The following ATG101 variants were observed in gnomAD, a reference collection of about 807,000 sequenced individuals.
ATG101 encodes the protein autophagy related 101, also known as autophagy-related protein 101.
ATG101 carries 6 observed loss-of-function variants against 16.7 expected under a neutral mutation model. That is an observed-to-expected ratio of 0.36 (90% confidence interval 0.20 to 0.71). The LOEUF (loss-of-function observed/expected upper bound fraction) is 0.71, where lower values mean the gene tolerates loss of function less well. Ranked by LOEUF, ATG101 falls within the 30% of genes least tolerant of loss-of-function variation. The pLI, the probability that ATG101 is intolerant of heterozygous loss-of-function variation, is 0.57. For missense variants in ATG101, 200 were observed against 292.5 expected (o/e 0.68, Z 2.31); for synonymous variants, 108 against 118.1 (o/e 0.91, Z 0.56).
chr12:52,068,699 C>T (rs981511227), upstream of ATG101, among the ~76,000 whole-genome samples: 2 of 151,986 alleles, frequency 1.3e-5, no homozygotes, highest in African/African-American at 4.8e-5. Flanking sequence ...CTTAAGAATG[C>T]CTCCTGGCCG....
chr12:52,070,980 TG>T (rs1436842402), intron 2 of ATG101: 14 of 152,200 alleles, frequency 9.2e-5, no homozygotes, highest in African/African-American at 2.9e-4. Flanking sequence ...CTGGAATTCC[TG>T]GGTTGGGCTC....
chr12:52,066,834 C>T (rs184724976), upstream of ATG101, among the ~76,000 whole-genome samples: 182 of 152,266 alleles, frequency 1.2e-3, no homozygotes, highest in Non-Finnish European at 6.6e-4. Flanking sequence ...TCAGTCACTT[C>T]CCTTACTCAC....
At chr12:52,076,422 C>T (rs984222817) in intron 3 of ATG101, among the ~76,000 whole-genome samples, 20 of 152,298 alleles carry the variant, frequency 1.3e-4, no homozygotes, top group African/African-American at 4.6e-4. Flanking sequence ...TAAGCCTCAT[C>T]GTGCCTTGGT....
Position 52,077,357 on chromosome 12 carries a change from C to A in ATG101, c.*167C>A. On this transcript the variant is annotated 3_prime_UTR_variant, in exon 4 of 4. Transcript: ENST00000336854. The stretch of plus-strand genomic sequence containing the variant: ...TTTGTGGTTGCCAGCCTCAGGTCAT[C>A]CTTTTAATCTTTGCTGACGGTTCAG... 1.3e-6 allele frequency: 1 copy of A among 752,654 alleles called. No individual in the cohort carries two copies. The highest frequency in any genetic ancestry group is 2.1e-6 in the Non-Finnish European group (1 of 476,778). The allele number at this position is 752,654 out of a possible 1,614,324, so 46.6% of individuals were successfully genotyped here.
chr12:52,070,077 A>T lies in ATG101; in HGVS notation c.-372A>T, dbSNP rs1939617036. The T allele has an allele frequency of 6.6e-6, 1 of 150,996 alleles. No individual in the cohort carries two copies. The highest frequency in any genetic ancestry group is 1.5e-5 in the Non-Finnish European group (1 of 67,842). 9.4% of individuals were successfully genotyped at this position (150,996 alleles called of 1,614,324 possible). On this transcript the variant is annotated 5_prime_UTR_variant, in exon 1 of 4. Transcript: ENST00000336854. ...GTGGACTGTGGTTGGGGGAGGTGGG[A>T]GCTGTTTTAACCGTGTGCCCCCTCT...
upstream of ATG101, among the ~76,000 whole-genome samples, chr12:52,065,845 C>G (rs968253970): frequency 6.6e-6 from 1 of 152,154 alleles, no homozygotes; most frequent in Admixed American, 6.5e-5. Flanking sequence ...GAGTTTCTCC[C>G]CCATACATAT....
At chr12:52,074,385 G>A (rs1939701086) in intron 3 of ATG101, among the ~76,000 whole-genome samples, 1 of 152,192 alleles carries the variant, frequency 6.6e-6, no homozygotes, top group African/African-American at 2.4e-5. Context: ...GACACGGCCG[G>A]CTGCTGCTGT....
chr12:52,065,486 C>T (rs1253929889), upstream of ATG101, among the ~76,000 whole-genome samples: 1 of 151,988 alleles, frequency 6.6e-6, no homozygotes, highest in African/African-American at 2.4e-5. Context: ...TAATTCATCC[C>T]ACACAATCCC....
chr12:52,065,362 C>G (rs1939538727), upstream of ATG101, among the ~76,000 whole-genome samples: 1 of 152,196 alleles, frequency 6.6e-6, no homozygotes, highest in South Asian at 2.1e-4. Flanking sequence ...ACTTGTCCCC[C>G]TTGGCATCAC....
chr12:52,065,473 A>T (rs1195487998), upstream of ATG101, among the ~76,000 whole-genome samples: 1 of 152,240 alleles, frequency 6.6e-6, no homozygotes, highest in African/African-American at 2.4e-5. Flanking sequence ...GCATAGAATG[A>T]GATAATTCAT....
upstream of ATG101, among the ~76,000 whole-genome samples, chr12:52,068,546 G>A (rs7976698): frequency 0.031 from 4,675 of 151,934 alleles, 154 homozygotes; most frequent in African/African-American, 0.083. Flanking sequence ...TTTAAAGATG[G>A]GAGTCTCACT....
chr12:52,065,889 T>C (rs1428793871), upstream of ATG101, among the ~76,000 whole-genome samples: 1 of 152,138 alleles, frequency 6.6e-6, no homozygotes, highest in East Asian at 1.9e-4. Flanking sequence ...GATTGATTGA[T>C]TGATTGAGAT....
chr12:52,077,123 C>T lies in ATG101; in HGVS notation c.590C>T (p.Thr197Ile). 1.2e-6 allele frequency: 2 copies of T among 1,614,242 alleles called. No homozygotes were observed. The highest frequency in any genetic ancestry group is 1.7e-6 in the Non-Finnish European group (2 of 1,180,044). The change falls in exon 4 of 4, where the codon ACT becomes ATT. Residue 197 changes from threonine to isoleucine, a missense_variant. Physicochemically the swap from Thr to Ile is moderately conservative, Grantham distance 89. Coordinates refer to ENST00000336854, the MANE Select transcript of ATG101 (RefSeq NM_021934.5). ...PYLYKISFQITDALGTSVTTT... is the reference protein window; with the variant it reads ...PYLYKISFQIIDALGTSVTTT... ...CTGTACAAGATCTCCTTCCAGATCA[C>T]TGATGCCCTGGGCACCTCAGTCACC... is the stretch of plus-strand genomic sequence containing the variant.
Position 52,073,627 on chromosome 12 carries a change from T to C in ATG101, c.-24T>C, listed in dbSNP as rs201879001. On this transcript the variant is annotated 5_prime_UTR_variant, in exon 3 of 4. Transcript: ENST00000336854. ...CCTGTCTTTATCCTAGTTCCACACC[T>C]TGGTGTGGGTTACTGGGTGCAGGAT... 1.2e-4 allele frequency: 190 copies of C among 1,604,362 alleles called. No homozygotes were observed. Among genetic ancestry groups the C allele is most frequent in the Non-Finnish European group, 1.4e-4 (167 of 1,172,654 alleles).
intron 3 of ATG101, among the ~76,000 whole-genome samples, chr12:52,074,848 G>A (rs1344698736): frequency 6.6e-6 from 1 of 152,140 alleles, no homozygotes; most frequent in Non-Finnish European, 1.5e-5. Context: ...AGTTCCAGAC[G>A]CTTGAGCAGC....
In ATG101 at chr12:52,077,153, C is replaced by T; in HGVS notation, c.620C>T (p.Thr207Ile). Reference sequence around the variant, plus strand: ...GCCCTGGGCACCTCAGTCACCACCACCATGCGCAGGCTCATCAAAGACACC... The same window carrying T: ...GCCCTGGGCACCTCAGTCACCACCATCATGCGCAGGCTCATCAAAGACACC... Reference protein sequence around the residue: ...TDALGTSVTTTMRRLIKDTLA... With the variant: ...TDALGTSVTTIMRRLIKDTLA... The change falls in exon 4 of 4, where the codon ACC becomes ATC. Residue 207 changes from threonine (T) to isoleucine (I), a missense_variant. By Grantham distance (89) the Thr-to-Ile change is moderately conservative (BLOSUM62 -1). Transcript: ENST00000336854. 6.2e-7 allele frequency: 1 copy of T among 1,614,176 alleles called. No individual in the cohort carries two copies. Among genetic ancestry groups the T allele is most frequent in the Non-Finnish European group, 8.5e-7 (1 of 1,180,014 alleles).
At chr12:52,075,287 C>T (rs1226422214) in intron 3 of ATG101, among the ~76,000 whole-genome samples, 1 of 152,200 alleles carries the variant, frequency 6.6e-6, no homozygotes, top group African/African-American at 2.4e-5. Context: ...CCTGTGTCCT[C>T]CAGGTGTCCA....
At chr12:52,066,798 T>C (rs1030589705), upstream of ATG101, among the ~76,000 whole-genome samples, 88 of 152,002 alleles carry the variant, frequency 5.8e-4, 2 homozygotes, top group African/African-American at 2.0e-3. Flanking sequence ...AAGGGCTGAG[T>C]TGGAGTGTGT....
chr12:52,066,754 T>C (rs1053690495), upstream of ATG101, among the ~76,000 whole-genome samples: 3 of 151,844 alleles, frequency 2.0e-5, no homozygotes, highest in Admixed American at 2.0e-4. Flanking sequence ...GTGATGATGA[T>C]GATGATGATG....
Sources: allele counts gnomAD v4.1 joint callset (sites outside exome capture counted in the v4.1 genomes callset), GRCh38; gene constraint gnomAD v4.1.1; transcripts MANE v1.5; gene names NCBI Gene and HGNC (gene_info 2026-07-23, HGNC 2026-07-21).